NCOA3: variants seen among roughly 807,000 people sequenced by gnomAD.
The protein encoded by NCOA3 is nuclear receptor coactivator 3, also known as CBP-interacting protein.
Under a neutral mutation model 158.8 loss-of-function variants are expected in NCOA3, and 51 were observed. The ratio of observed to expected loss-of-function variants is 0.32; its 90% CI spans 0.26 to 0.41. NCOA3 has a LOEUF of 0.41. Ranked by LOEUF, NCOA3 falls within the 10% of genes least tolerant of loss-of-function variation. The pLI, the probability that NCOA3 is intolerant of heterozygous loss-of-function variation, is 1.00. For missense variants in NCOA3, 1,510 were observed against 1,746.6 expected (o/e 0.86, Z 2.41); for synonymous variants, 537 against 592.4 (o/e 0.91, Z 1.36).
intron 1 of NCOA3, among the ~76,000 whole-genome samples, chr20:47,509,854 A>T (rs181570651): frequency 2.0e-5 from 3 of 152,338 alleles, no homozygotes; most frequent in African/African-American, 4.8e-5. Context: ...ATCCCAGCTC[A>T]TCTATTTCCT....
chr20:47,647,909 G>GTTTTTT (rs1199919209), intron 18 of NCOA3, among the ~76,000 whole-genome samples: 2 of 128,092 alleles, frequency 1.6e-5, no homozygotes. Flanking sequence ...TTGTTTGTTT[G>GTTTTTT]TTTTGTTTTG....
chr20:47,529,243 C>T lies in NCOA3; in HGVS notation c.-99+27224C>T, dbSNP rs145217886. 8.0e-3 allele frequency among the ~76,000 whole-genome samples: 1,214 copies of T among 151,466 alleles called. 16 individuals are homozygous for T. The highest frequency in any genetic ancestry group is 0.026 in the African/African-American group (1,091 of 41,240). On this transcript the variant is annotated intron_variant, in intron 1 of 22. Coordinates refer to ENST00000371998, the MANE Select transcript of NCOA3 (RefSeq NM_181659.3). Reference sequence around the variant, plus strand: ...GTTCAAGCGATTCTCCTGCTTCAGCCTCCCAAGTAGCTGGGATTGCAGGCA... The same window carrying T: ...GTTCAAGCGATTCTCCTGCTTCAGCTTCCCAAGTAGCTGGGATTGCAGGCA...
intron 1 of NCOA3, among the ~76,000 whole-genome samples, chr20:47,574,208 T>C (rs2085338786): frequency 1.3e-5 from 2 of 152,322 alleles, no homozygotes; most frequent in East Asian, 3.9e-4. Flanking sequence ...CTGCTCTGTC[T>C]CTGTGGAATA....
chr20:47,634,946 A>G (rs1602520115), intron 10 of NCOA3, among the ~76,000 whole-genome samples: 2 of 135,484 alleles, frequency 1.5e-5, no homozygotes, highest in South Asian at 2.3e-4. Flanking sequence ...TTTTTTAAAC[A>G]GAGACAGAGT....
chr20:47,548,795 G>C (rs908048422), intron 1 of NCOA3, among the ~76,000 whole-genome samples: 1 of 152,084 alleles, frequency 6.6e-6, no homozygotes, highest in African/African-American at 2.4e-5. Context: ...GTCTCCCCAA[G>C]AAGGGCCACT....
chr20:47,648,196 T>A (rs2086723039), intron 18 of NCOA3, among the ~76,000 whole-genome samples: 1 of 151,694 alleles, frequency 6.6e-6, no homozygotes, highest in Non-Finnish European at 1.5e-5. Flanking sequence ...TGAGCCACCG[T>A]GTGCGGCCAA....
At chr20:47,517,451 CTT>C (rs376699406) in intron 1 of NCOA3, among the ~76,000 whole-genome samples, 3 of 129,284 alleles carry the variant, frequency 2.3e-5, no homozygotes, top group Non-Finnish European at 3.2e-5. Flanking sequence ...TTTTCTTTTT[CTT>C]TTTTTTTTTT....
intron 2 of NCOA3, among the ~76,000 whole-genome samples, chr20:47,593,334 A>ATTTTTTTTTTTTT (rs71183267): frequency 1.6e-5 from 1 of 63,722 alleles, no homozygotes; most frequent in African/African-American, 6.7e-5. Context: ...GAGTTGATGG[A>ATTTTTTTTTTTTT]TTTTTTTTTT....
Position 47,636,151 on chromosome 20 carries a change from A to G in NCOA3, c.1765A>G (p.Ser589Gly). 6.2e-7 allele frequency: 1 copy of G among 1,614,236 alleles called. No homozygotes were observed. ...PVESSMCQSNSRDHLSDKESK... is the reference protein window; with the variant it reads ...PVESSMCQSNGRDHLSDKESK... ...GGAGAGTTCAATGTGTCAGTCAAAT[A>G]GCAGAGATCACCTCAGTGACAAAGA... The change falls in exon 12 of 23, where the codon AGC becomes GGC. Residue 589 changes from serine (S) to glycine (G), a missense_variant. Physicochemically the swap from Ser to Gly is moderately conservative, Grantham distance 56. This residue lies in a region of NCOA3 where 1,017 missense variants were observed against 1,098.3 expected (regional missense o/e 0.93). Coordinates refer to ENST00000371998, the MANE Select transcript of NCOA3 (RefSeq NM_181659.3).
Position 47,627,163 on chromosome 20 carries a change from A to T in NCOA3, c.519A>T (p.Leu173Phe). 6.2e-7 allele frequency: 1 copy of T among 1,602,570 alleles called. No individual in the cohort carries two copies. Among genetic ancestry groups the T allele is most frequent in the East Asian group, 2.2e-5 (1 of 44,690 alleles). Residue 173 changes from leucine to phenylalanine, a missense_variant, in exon 6 of 23, where the codon TTA becomes TTT. Physicochemically the swap from Leu to Phe is conservative, Grantham distance 22. Coordinates refer to ENST00000371998, the MANE Select transcript of NCOA3 (RefSeq NM_181659.3). The part of the protein sequence containing the change: ...EEDRKDFLKN[L>F]PKSTVNGVSW... ...ACAGAAAGGATTTTCTTAAGAATTT[A>T]CCAAAATCTACAGGTAGGCTTTTAA...
intron 2 of NCOA3, among the ~76,000 whole-genome samples, chr20:47,594,271 T>C (rs2085705366): frequency 6.6e-6 from 1 of 152,226 alleles, no homozygotes; most frequent in Non-Finnish European, 1.5e-5. Context: ...TTTAATTTTC[T>C]ATGATTGACG....
Position 47,636,441 on chromosome 20 carries a change from G to A in NCOA3, c.2055G>A (p.Leu685=). ...TGTTACAAGAGAAGCACCGGATTTT[G>A]CACAAGTTGCTGCAGAATGGGAATT... The part of the protein sequence containing the change: ...GSLLQEKHRI[L]HKLLQNGNSP... The change falls in exon 12 of 23, where the codon TTG becomes TTA. Residue 685 remains leucine (L), a synonymous_variant. Transcript: ENST00000371998. 6.2e-7 allele frequency: 1 copy of A among 1,614,154 alleles called. No homozygotes were observed. The highest frequency in any genetic ancestry group is 8.5e-7 in the Non-Finnish European group (1 of 1,180,036).
chr20:47,629,155 AT>A (rs1370480427), intron 8 of NCOA3, among the ~76,000 whole-genome samples: 10 of 152,204 alleles, frequency 6.6e-5, no homozygotes, highest in Non-Finnish European at 1.0e-4. Flanking sequence ...TGTATATATA[AT>A]ATACATAATG....
intron 22 of NCOA3, 33 bp from the exon 23 acceptor site, chr20:47,653,368 ATTTTT>A (rs545375540): frequency 3.6e-4 from 506 of 1,387,202 alleles, no homozygotes; most frequent in East Asian, 1.4e-3. Context: ...TGTTTTACTC[ATTTTT>A]TTTTTTTTTT....
intron 2 of NCOA3, among the ~76,000 whole-genome samples, chr20:47,613,334 CTTT>C (rs11475079): frequency 1.5e-5 from 2 of 136,872 alleles, no homozygotes; most frequent in Non-Finnish European, 3.2e-5. Context: ...ACGATTCCTT[CTTT>C]TTTTTTTTTT....
intron 1 of NCOA3, among the ~76,000 whole-genome samples, chr20:47,552,947 T>C (rs555712733): frequency 6.9e-4 from 105 of 151,346 alleles, no homozygotes; most frequent in Admixed American, 1.7e-3. Flanking sequence ...TTTTTTTTTT[T>C]AAGACAGGGT....
intron 1 of NCOA3, among the ~76,000 whole-genome samples, chr20:47,560,751 A>G (rs150977441): frequency 7.1e-4 from 108 of 152,116 alleles, no homozygotes; most frequent in African/African-American, 2.3e-3. Flanking sequence ...TTTGTCATTG[A>G]AGAGCTCTTT....
chr20:47,631,790 A>T (rs2086422440), intron 8 of NCOA3, among the ~76,000 whole-genome samples: 1 of 152,230 alleles, frequency 6.6e-6, no homozygotes, highest in South Asian at 2.1e-4. Flanking sequence ...CCTTTACACG[A>T]AAATGAACTT....
At chr20:47,640,175 A>G in intron 16 of NCOA3, 124 bp downstream of exon 16, 1 of 1,318,040 alleles carries the variant, frequency 7.6e-7, no homozygotes, top group Non-Finnish European at 1.1e-6. Context: ...CTGGGTTGCC[A>G]GCTGGGCATT....
Sources: allele counts gnomAD v4.1 joint callset (sites outside exome capture counted in the v4.1 genomes callset), GRCh38; gene constraint gnomAD v4.1.1; regional missense constraint gnomAD v4.1.1; transcripts MANE v1.5; gene names NCBI Gene and HGNC (gene_info 2026-07-23, HGNC 2026-07-21).